PRELID2: variants seen among roughly 807,000 people sequenced by gnomAD.
The protein encoded by PRELID2 is PRELI domain-containing protein 2.
A neutral mutation model predicts 28.4 loss-of-function variants in PRELID2; 25 were observed. That is an observed-to-expected ratio of 0.88 (90% CI 0.64 to 1.23). The LOEUF (loss-of-function observed/expected upper bound fraction) is 1.23, where lower values mean the gene tolerates loss of function less well. PRELID2 is among the 50% of genes most tolerant of loss of function. The pLI is 0.00. For synonymous variants in PRELID2, 76 were observed against 71.6 expected, an observed-to-expected ratio of 1.06 and a Z score of -0.31; for missense variants, 201 against 214.4, an observed-to-expected ratio of 0.94 and a Z score of 0.39.
intron 1 of PRELID2, among the ~76,000 whole-genome samples, chr5:145,683,087 A>G (rs1436484711): frequency 6.6e-6 from 1 of 152,208 alleles, no homozygotes; most frequent in Admixed American, 6.5e-5. Context: ...GCAGTCAGAG[A>G]AGACCAGTAT....
downstream of PRELID2, among the ~76,000 whole-genome samples, chr5:145,752,778 G>A (rs79925351): frequency 8.9e-3 from 1,360 of 152,218 alleles, 42 homozygotes; most frequent in East Asian, 0.077. Flanking sequence ...CCTGCTTTCT[G>A]TAAGCCTCCT....
At chr5:145,742,667 A>C (rs565036762) in intron 1 of PRELID2, among the ~76,000 whole-genome samples, 5 of 151,320 alleles carry the variant, frequency 3.3e-5, no homozygotes, top group African/African-American at 1.2e-4. Flanking sequence ...TCAAAACAAT[A>C]ATCTAAGTTC....
At chr5:145,606,173 A>G (rs143443275) in intron 1 of PRELID2, among the ~76,000 whole-genome samples, 3 of 152,188 alleles carry the variant, frequency 2.0e-5, no homozygotes, top group Non-Finnish European at 4.4e-5. Flanking sequence ...TAGGGCCAAG[A>G]CTATGGGGTT....
At chr5:145,806,702 G>C (rs1753535835) in intron 4 of PRELID2, among the ~76,000 whole-genome samples, 1 of 152,166 alleles carries the variant, frequency 6.6e-6, no homozygotes, top group Non-Finnish European at 1.5e-5. Context: ...GGAGGGACCT[G>C]GTGGGAGCTG....
chr5:145,795,547 T>A (rs547720530), intron 5 of PRELID2: 1 of 152,190 alleles, frequency 6.6e-6, no homozygotes, highest in African/African-American at 2.4e-5. Flanking sequence ...TGCCAGGAAG[T>A]CTCTGAGGGT....
chr5:145,662,818 T>C (rs889727056), intron 1 of PRELID2, among the ~76,000 whole-genome samples: 1 of 152,062 alleles, frequency 6.6e-6, no homozygotes, highest in Non-Finnish European at 1.5e-5. Context: ...CCTCACCCTT[T>C]GACTTCTCAG....
chr5:145,309,360 G>A, the PRELID2 span, among the ~76,000 whole-genome samples: 16 of 152,130 alleles, frequency 1.1e-4, no homozygotes, highest in Non-Finnish European at 1.9e-4. Context: ...AAAGGCACTG[G>A]GGTTTGTTTG....
Position 145,596,099 on chromosome 5 carries a change from C to CAAAAAAAAAAAAAAAAAAAAAA in PRELID2, n.71-122785_71-122784insTTTTTTTTTTTTTTTTTTTTTT, listed in dbSNP as rs552746530. 3.6e-4 allele frequency among the ~76,000 whole-genome samples: 16 copies of CAAAAAAAAAAAAAAAAAAAAAA among 43,954 alleles called. 1 individual carries two copies. Among genetic ancestry groups the CAAAAAAAAAAAAAAAAAAAAAA allele is most frequent in the African/African-American group, 5.8e-4 (6 of 10,396 alleles). The allele number at this position is 43,954 out of a possible 152,430, so 28.8% of individuals were successfully genotyped here. ...TGGGTGACAGAGTGAGAGCCTGTCT[C>CAAAAAAAAAAAAAAAAAAAAAA]AAAAAAAAAAAAAAAAAAAAGTCTG... On this transcript the variant is annotated intron_variant and non_coding_transcript_variant, in intron 1 of 2. Coordinates refer to the PRELID2 transcript ENST00000510259.
chr5:145,380,280 G>GC, the PRELID2 span, among the ~76,000 whole-genome samples: 27 of 152,226 alleles, frequency 1.8e-4, no homozygotes, highest in Admixed American at 6.5e-5. Flanking sequence ...GTACTTGGTA[G>GC]CCCCATGCAG....
At chr5:145,327,407 A>G in the PRELID2 span, among the ~76,000 whole-genome samples, 2 of 151,976 alleles carry the variant, frequency 1.3e-5, no homozygotes, top group African/African-American at 4.8e-5. Context: ...CTTAAAGTCA[A>G]TTTTGTACGA....
At chr5:145,801,426 G>C (rs988969883) in intron 4 of PRELID2, among the ~76,000 whole-genome samples, 10 of 152,058 alleles carry the variant, frequency 6.6e-5, no homozygotes, top group African/African-American at 2.4e-4. Flanking sequence ...GACATATAAG[G>C]ATGACTCAAG....
At chr5:145,595,279 AT>A in intron 1 of PRELID2, among the ~76,000 whole-genome samples, 1 of 151,634 alleles carries the variant, frequency 6.6e-6, no homozygotes, top group African/African-American at 2.4e-5. Flanking sequence ...TGCACTATTT[AT>A]TTTTTTGGCA....
At chr5:145,356,288 A>G in the PRELID2 span, among the ~76,000 whole-genome samples, 1 of 152,156 alleles carries the variant, frequency 6.6e-6, no homozygotes, top group East Asian at 1.9e-4. Context: ...ATGAGCAATG[A>G]TGTGTGGTCT....
the PRELID2 span, among the ~76,000 whole-genome samples, chr5:145,394,229 C>T: frequency 6.6e-6 from 1 of 152,128 alleles, no homozygotes; most frequent in African/African-American, 2.4e-5. Context: ...GGCACATATA[C>T]ACCATGGAAT....
At chr5:145,569,729 G>T (rs1753000991) in intron 1 of PRELID2, among the ~76,000 whole-genome samples, 1 of 152,220 alleles carries the variant, frequency 6.6e-6, no homozygotes, top group Non-Finnish European at 1.5e-5. Flanking sequence ...ACATAAATTA[G>T]ACATTTTGTC....
chr5:145,245,770 T>C, the PRELID2 span, among the ~76,000 whole-genome samples: 1 of 152,068 alleles, frequency 6.6e-6, no homozygotes, highest in Non-Finnish European at 1.5e-5. Flanking sequence ...CCCGTATTAG[T>C]TGTGTGAATT....
chr5:145,643,555 T>C (rs1033096805), intron 1 of PRELID2, among the ~76,000 whole-genome samples: 1 of 152,218 alleles, frequency 6.6e-6, no homozygotes, highest in Non-Finnish European at 1.5e-5. Flanking sequence ...ATATGTTCAA[T>C]AGGAGTGGTG....
At chr5:145,726,743 C>T (rs904074630) in intron 1 of PRELID2, among the ~76,000 whole-genome samples, 1 of 152,180 alleles carries the variant, frequency 6.6e-6, no homozygotes, top group African/African-American at 2.4e-5. Flanking sequence ...AGTTCTGACA[C>T]CAGCTGTAGC....
the PRELID2 span, among the ~76,000 whole-genome samples, chr5:145,417,582 G>A: frequency 6.6e-6 from 1 of 152,144 alleles, no homozygotes; most frequent in African/African-American, 2.4e-5. Flanking sequence ...AGGATGCAAG[G>A]TTGGTTCAAC....
Sources: allele counts gnomAD v4.1 joint callset (sites outside exome capture counted in the v4.1 genomes callset), GRCh38; gene constraint gnomAD v4.1.1; transcripts MANE v1.5; gene names NCBI Gene and HGNC (gene_info 2026-07-23, HGNC 2026-07-21).